Variants in ESS2 observed in about 807,000 individuals in gnomAD.
ESS2 encodes ess-2 spliceosome associated protein.
ESS2 carries 31 observed loss-of-function variants against 52.0 expected under a neutral mutation model. The observed-to-expected ratio is 0.60, with a 90% confidence interval of 0.45 to 0.81. ESS2 has a LOEUF of 0.81. ESS2 is among the 30% of genes least tolerant of loss of function. The pLI is 0.00. For synonymous variants in ESS2, 285 were observed against 259.2 expected (o/e 1.10, Z -0.95); for missense variants, 602 against 637.2 (o/e 0.94, Z 0.59).
chr22:19,136,628 T>C (rs539715795), intron 8 of ESS2, among the ~76,000 whole-genome samples: 2 of 152,268 alleles, frequency 1.3e-5, no homozygotes, highest in Admixed American at 1.3e-4. Flanking sequence ...GTGGCAGGCA[T>C]ACCTCAGAAG....
In ESS2 at chr22:19,131,894, C is replaced by A. The variant is rs1163471289; in HGVS notation, c.*2302G>T. The A allele has an allele frequency of 6.2e-6, 10 of 1,614,108 alleles. No individual in the cohort carries two copies. In the South Asian group the frequency reaches 1.1e-4, roughly 18 times the overall value. ...TCTCCAAGCGCTGCCTGCGGGACAG[C>A]AATGGGCGCATCATCCTCAGCAAGA... is the stretch of plus-strand genomic sequence containing the variant. On this transcript the variant is annotated 3_prime_UTR_variant, in exon 10 of 10. Transcript: ENST00000252137. This position sits in a 1 kb window ranked among gnomAD's most constrained non-coding sequence, Gnocchi z 5.7.
intron 6 of ESS2, chr22:19,138,572 C>T (rs927966787): frequency 3.0e-5 from 18 of 607,118 alleles, no homozygotes; most frequent in Admixed American, 5.5e-5. Flanking sequence ...GGTGCCAGGG[C>T]CTCCACTCGA....
chr22:19,139,804 C>A (rs2146101657), intron 4 of ESS2, 51 bp downstream of exon 4: 5 of 1,613,928 alleles, frequency 3.1e-6, no homozygotes, highest in Non-Finnish European at 4.2e-6. Flanking sequence ...GGCTCCCCAA[C>A]CACCACAGAG....
Position 19,133,684 on chromosome 22 carries a change from G to A in ESS2, c.*512C>T, listed in dbSNP as rs2083532027. Reference sequence around the variant, plus strand: ...GGGAACCTAAGGGTACAACTTCCAAGGGCTCCGTTTCTCCTTCATATCCCC... The same window carrying A: ...GGGAACCTAAGGGTACAACTTCCAAAGGCTCCGTTTCTCCTTCATATCCCC... On this transcript the variant is annotated 3_prime_UTR_variant, in exon 10 of 10. Coordinates refer to ENST00000252137, the MANE Select transcript of ESS2 (RefSeq NM_022719.3). 3 of 152,918 alleles carry A rather than the reference G, an allele frequency of 2.0e-5. No individual in the cohort carries two copies. The highest frequency in any genetic ancestry group is 7.2e-5 in the African/African-American group (3 of 41,466). 9.5% of individuals were successfully genotyped at this position (152,918 alleles called of 1,614,324 possible).
chr22:19,139,282 G>A lies in ESS2; in HGVS notation c.699C>T (p.Asp233=), dbSNP rs781179028. 1.3e-5 allele frequency: 20 copies of A among 1,596,350 alleles called. 1 individual carries two copies. The Admixed American group carries it at 1.7e-4, about 14-fold the overall frequency. Residue 233 remains aspartate (D), a synonymous_variant, in exon 6 of 10, where the codon GAC becomes GAT. Transcript: ENST00000252137. ...SLMYYPEGVP[D]EEQLFKKPRQ... Reference sequence around the variant, plus strand: ...GGGGCTTCTTAAACAGCTGCTCCTCGTCAGGGACACCTGGCAGACGAAGCA... The same window carrying A: ...GGGGCTTCTTAAACAGCTGCTCCTCATCAGGGACACCTGGCAGACGAAGCA...
Position 19,132,572 on chromosome 22 carries a change from A to G in ESS2, c.*1624T>C. The stretch of plus-strand genomic sequence containing the variant: ...AACTAAGTAGGCAGGTAGGATCTGA[A>G]GAAGGCACAGGTGCAAGTAAAATTC... On this transcript the variant is annotated 3_prime_UTR_variant, in exon 10 of 10. Coordinates refer to ENST00000252137, the MANE Select transcript of ESS2 (RefSeq NM_022719.3). This position sits in a 1 kb window ranked among gnomAD's most constrained non-coding sequence, Gnocchi z 4.2. The G allele has an allele frequency of 3.2e-6, 4 of 1,258,682 alleles. No homozygotes were observed. The highest frequency in any genetic ancestry group is 4.5e-6 in the Non-Finnish European group (4 of 898,248). The allele number at this position is 1,258,682 out of a possible 1,614,324, so 78.0% of individuals were successfully genotyped here. A position where few individuals can be genotyped will look rare whatever the true frequency, so the allele number is the denominator to read the frequency against.
rs1319331770 is a variant in ESS2 at position 19,137,423 on chromosome 22, T to G, written c.935A>C (p.Glu312Ala). 2 of 1,612,624 alleles carry G rather than the reference T, an allele frequency of 1.2e-6. No individual in the cohort carries two copies. Among genetic ancestry groups the G allele is most frequent in the Admixed American group, 1.7e-5 (1 of 59,874 alleles). ...CTCCCCCCAGGTCATCATCGGGGAC[T>G]CGTTCACACCTGCAGACAAAGAGCC... ...ATPSPAPGVN[E>A]SPMMTWGEVE... The change falls in exon 8 of 10, where the codon GAG (glutamate) becomes GCG (alanine). Residue 312 changes from glutamate to alanine, a missense_variant. Glu to Ala is a moderately radical substitution (Grantham distance 107). Transcript: ENST00000252137.
chr22:19,144,490 C>G lies in ESS2; in HGVS notation c.135+16G>C, dbSNP rs757993902. On this transcript the variant is annotated intron_variant, in intron 1 of 9. Transcript: ENST00000252137. ...GATGGGCCCAGAAGTCGCCGGCGTC[C>G]GCACCGAGGTCGTACCTCGATATAC... 5.0e-6 allele frequency: 8 copies of G among 1,611,150 alleles called. No individual in the cohort carries two copies. Among genetic ancestry groups the G allele is most frequent in the Non-Finnish European group, 8.5e-7 (1 of 1,179,108 alleles).
chr22:19,135,428 G>T (rs1367997184), intron 8 of ESS2, among the ~76,000 whole-genome samples: 1 of 152,224 alleles, frequency 6.6e-6, no homozygotes, highest in East Asian at 1.9e-4. Context: ...GGAAAAAGCA[G>T]TCTGTTTTAG....
Position 19,131,803 on chromosome 22 carries a change from G to A in ESS2, c.*2393C>T, listed in dbSNP as rs775468598. ...TGCCACGACCTGGACATCGTCCACCGGGACCTCAAGTGCGAGAACCTTCTC... is the reference window on the plus strand; with the variant it reads ...TGCCACGACCTGGACATCGTCCACCAGGACCTCAAGTGCGAGAACCTTCTC... On this transcript the variant is annotated 3_prime_UTR_variant, in exon 10 of 10. Transcript: ENST00000252137. This position sits in a 1 kb window ranked among gnomAD's most constrained non-coding sequence, Gnocchi z 5.7. 5.6e-6 allele frequency: 9 copies of A among 1,614,044 alleles called. No individual in the cohort carries two copies. The highest frequency in any genetic ancestry group is 1.6e-4 in the Middle Eastern group (1 of 6,084).
Position 19,144,496 on chromosome 22 carries a change from G to C in ESS2, c.135+10C>G. The C allele has an allele frequency of 6.2e-7, 1 of 1,611,350 alleles. No homozygotes were observed. The stretch of plus-strand genomic sequence containing the variant: ...CCCAGAAGTCGCCGGCGTCCGCACC[G>C]AGGTCGTACCTCGATATACTCTTCC... On this transcript the variant is annotated intron_variant, in intron 1 of 9. Coordinates refer to ENST00000252137, the MANE Select transcript of ESS2 (RefSeq NM_022719.3).
Position 19,137,425 on chromosome 22 carries a change from G to A in ESS2, c.933C>T (p.Asn311=), listed in dbSNP as rs117976088. Residue 311 remains asparagine, a synonymous_variant, in exon 8 of 10, where the codon AAC becomes AAT. Transcript: ENST00000252137. The part of the protein sequence containing the change: ...VATPSPAPGV[N]ESPMMTWGEV... ...CCCCCCAGGTCATCATCGGGGACTCGTTCACACCTGCAGACAAAGAGCCCA... is the reference window on the plus strand; with the variant it reads ...CCCCCCAGGTCATCATCGGGGACTCATTCACACCTGCAGACAAAGAGCCCA... 0.011 allele frequency: 17,243 copies of A among 1,611,586 alleles called. 119 individuals are homozygous for A. Among genetic ancestry groups the A allele is most frequent in the Non-Finnish European group, 0.013 (14,916 of 1,178,582 alleles).
intron 8 of ESS2, 105 bp downstream of exon 8, chr22:19,137,218 A>G: frequency 1.3e-6 from 1 of 792,602 alleles, no homozygotes; most frequent in Non-Finnish European, 2.0e-6. Context: ...TCTGCCCGTC[A>G]GCAGCTGGGG....
chr22:19,143,736 G>A (rs1375691302), intron 1 of ESS2, among the ~76,000 whole-genome samples: 3 of 152,136 alleles, frequency 2.0e-5, no homozygotes, highest in Non-Finnish European at 2.9e-5. Context: ...GGCACCTGTA[G>A]TCACAGCTAC....
In ESS2 at chr22:19,131,654, G is replaced by A. The variant is rs1192251137; in HGVS notation, c.*2542C>T. The A allele has an allele frequency of 6.2e-7, 1 of 1,614,058 alleles. No homozygotes were observed. The highest frequency in any genetic ancestry group is 8.5e-7 in the Non-Finnish European group (1 of 1,180,016). ...AGATCTTTGAGACCTCTGACGGACG[G>A]ATCTACATCATCATGGAGCTTGGCG... On this transcript the variant is annotated 3_prime_UTR_variant, in exon 10 of 10. Coordinates refer to ENST00000252137, the MANE Select transcript of ESS2 (RefSeq NM_022719.3). This position sits in a 1 kb window ranked among gnomAD's most constrained non-coding sequence, Gnocchi z 5.7.
At position 19,130,976 on chromosome 22, in the gene ESS2, A is replaced by C; in HGVS notation, c.*3220T>G. ...CAGGAAACCCACCCTAGTGGGACAA[A>C]GACCAATGCAGGGTCAGTCCCCACA... On this transcript the variant is annotated 3_prime_UTR_variant, in exon 10 of 10. Coordinates refer to ENST00000252137, the MANE Select transcript of ESS2 (RefSeq NM_022719.3). 5.0e-6 allele frequency: 1 copy of C among 201,646 alleles called. No individual in the cohort carries two copies. The highest frequency in any genetic ancestry group is 1.0e-5 in the Non-Finnish European group (1 of 97,294). The allele number at this position is 201,646 out of a possible 1,614,324, so 12.5% of individuals were successfully genotyped here.
intron 7 of ESS2, chr22:19,137,797 C>T (rs1339032905): frequency 4.1e-6 from 4 of 985,414 alleles, no homozygotes; most frequent in Non-Finnish European, 4.8e-6. Context: ...ACAGCACCAG[C>T]ACCCAAGAGC....
At chr22:19,135,710 T>C (rs78741471) in intron 8 of ESS2, among the ~76,000 whole-genome samples, 2,525 of 152,268 alleles carry the variant, frequency 0.017, 93 homozygotes, top group East Asian at 0.063. Flanking sequence ...TGCTTTTATG[T>C]TTAGAAAGTC....
At position 19,140,034 on chromosome 22, in the gene ESS2, G is replaced by C. The variant is rs1569111031; in HGVS notation, c.401-10C>G. 3 of 1,612,890 alleles carry C rather than the reference G, an allele frequency of 1.9e-6. No homozygotes were observed. The highest frequency in any genetic ancestry group is 4.5e-5 in the East Asian group (2 of 44,880). On this transcript the variant is annotated splice_polypyrimidine_tract_variant and intron_variant, in intron 3 of 9. Coordinates refer to ENST00000252137, the MANE Select transcript of ESS2 (RefSeq NM_022719.3). ...TCCTCTCCAGCCTCTCCTGCTTAGG[G>C]GTTGCGGGAGGAGGAACACAGCACC... is the stretch of plus-strand genomic sequence containing the variant.
Sources: allele counts gnomAD v4.1 joint callset (sites outside exome capture counted in the v4.1 genomes callset), GRCh38; gene constraint gnomAD v4.1.1; non-coding constraint Gnocchi (gnomAD v3.1); transcripts MANE v1.5; gene names NCBI Gene and HGNC (gene_info 2026-07-23, HGNC 2026-07-21).